ABLIM2: variants seen among roughly 807,000 people sequenced by gnomAD.
ABLIM2 encodes actin-binding LIM protein 2.
Under a neutral mutation model 97.7 loss-of-function variants are expected in ABLIM2, and 53 were observed. The ratio of observed to expected loss-of-function variants is 0.54; its 90% confidence interval spans 0.44 to 0.68. The LOEUF (loss-of-function observed/expected upper bound fraction) is 0.68, where lower values mean the gene tolerates loss of function less well. Among genes scored for constraint, ABLIM2 ranks in the 30% least tolerant of loss-of-function variants. The pLI is 0.00. For missense variants in ABLIM2, 835 were observed against 867.2 expected (o/e 0.96, Z 0.47); for synonymous variants, 361 against 345.8 (o/e 1.04, Z -0.49).
chr4:8,062,359 C>G (rs964883842), intron 6 of ABLIM2, among the ~76,000 whole-genome samples: 1 of 152,202 alleles, frequency 6.6e-6, no homozygotes, highest in Admixed American at 6.5e-5. Context: ...CACACCACAG[C>G]ATCTGGCCCC....
chr4:7,979,923 C>G (rs1402696924), intron 20 of ABLIM2, among the ~76,000 whole-genome samples: 2 of 152,146 alleles, frequency 1.3e-5, no homozygotes, highest in Non-Finnish European at 2.9e-5. Context: ...TGGGTCTCTT[C>G]CCCGCAGATT....
At chr4:7,973,196 C>A (rs1729683137) in intron 20 of ABLIM2, among the ~76,000 whole-genome samples, 1 of 151,666 alleles carries the variant, frequency 6.6e-6, no homozygotes, top group South Asian at 2.1e-4. Flanking sequence ...GGAGCCTTGG[C>A]TGCTGGAGGA....
intron 6 of ABLIM2, among the ~76,000 whole-genome samples, chr4:8,077,329 G>A (rs910747649): frequency 1.3e-5 from 2 of 152,152 alleles, no homozygotes; most frequent in African/African-American, 4.8e-5. Context: ...GTGCCTCTGA[G>A]TCCCAATCTA....
rs1030253483 is a variant in ABLIM2, at chr4:8,150,898, C to T, written c.10+7782G>A. Among the ~76,000 whole-genome samples, 6 of 152,078 alleles carry T rather than the reference C, an allele frequency of 3.9e-5. No homozygotes were observed. The East Asian group carries it at 5.8e-4, about 15-fold the overall frequency. On this transcript the variant is annotated intron_variant, in intron 1 of 20. Transcript: ENST00000447017. This position sits in a 1 kb window ranked among gnomAD's most constrained non-coding sequence, Gnocchi z 6.3. The stretch of plus-strand genomic sequence containing the variant: ...TAGGGTGTGGCTGATGATGCCAAAG[C>T]GGCTCCCACGGGGCACGACGTCAGG...
intron 10 of ABLIM2, among the ~76,000 whole-genome samples, chr4:8,030,328 G>T (rs1436312995): frequency 3.3e-5 from 5 of 152,186 alleles, no homozygotes. Flanking sequence ...CAGGCAGAGT[G>T]GGAGGCAGGT....
chr4:8,014,614 G>C (rs1767526609), intron 14 of ABLIM2, among the ~76,000 whole-genome samples: 1 of 152,232 alleles, frequency 6.6e-6, no homozygotes. Flanking sequence ...AGCTCCACAG[G>C]ATCGGGGGAA....
chr4:8,077,536 T>C, intron 6 of ABLIM2, 92 bp downstream of exon 6: 1 of 1,245,812 alleles, frequency 8.0e-7, no homozygotes, highest in Non-Finnish European at 1.1e-6. Flanking sequence ...GACAGATTCT[T>C]GCACAAACAC....
intron 8 of ABLIM2, among the ~76,000 whole-genome samples, chr4:8,052,837 C>T (rs183177257): frequency 9.6e-4 from 147 of 152,346 alleles, no homozygotes; most frequent in African/African-American, 3.1e-3. Context: ...CCAGACTTGC[C>T]GCTACAGGAC....
Position 8,150,132 on chromosome 4 carries a change from C to T in ABLIM2, c.10+8548G>A, listed in dbSNP as rs1253157921. Among the ~76,000 whole-genome samples, 1 of 152,210 alleles carries T rather than the reference C, an allele frequency of 6.6e-6. No individual in the cohort carries two copies. The highest frequency in any genetic ancestry group is 2.4e-5 in the African/African-American group (1 of 41,462). ...ATGAGGGCATTTGAAACTAGGCTGC[C>T]AGGTTGAAGGTCTGGATGCTCCTTG... On this transcript the variant is annotated intron_variant, in intron 1 of 20. Coordinates refer to ENST00000447017, the MANE Select transcript of ABLIM2 (RefSeq NM_001130083.2). The surrounding 1 kb of genome is among the most constrained non-coding windows in gnomAD (Gnocchi z 6.3).
intron 1 of ABLIM2, among the ~76,000 whole-genome samples, chr4:8,117,604 C>G (rs1843365712): frequency 6.6e-6 from 1 of 151,450 alleles, no homozygotes; most frequent in Non-Finnish European, 1.5e-5. Flanking sequence ...CCACTGCAGC[C>G]TTCCTTCCTC....
At chr4:8,037,214 ATC>A (rs1253398924) in intron 9 of ABLIM2, among the ~76,000 whole-genome samples, 1 of 152,092 alleles carries the variant, frequency 6.6e-6, no homozygotes, top group Non-Finnish European at 1.5e-5. Context: ...GGTTGGTTGA[ATC>A]TGCAGATGTG....
intron 14 of ABLIM2, among the ~76,000 whole-genome samples, chr4:8,014,127 C>T (rs1320887614): frequency 6.6e-6 from 1 of 152,244 alleles, no homozygotes; most frequent in Non-Finnish European, 1.5e-5. Context: ...CAGAATCATT[C>T]CTGAGACTGC....
At position 8,140,858 on chromosome 4, in the gene ABLIM2, A is replaced by C. The variant is rs112160210; in HGVS notation, c.10+17822T>G. On this transcript the variant is annotated intron_variant, in intron 1 of 20. Transcript: ENST00000447017. The surrounding 1 kb of genome is among the most constrained non-coding windows in gnomAD (Gnocchi z 5.9). ...AGGGAGGTGGCTGCCAAGAAGAGCT[A>C]TGAAGAATTAGAAGCTGGACCAATG... 0.26 allele frequency among the ~76,000 whole-genome samples: 40,159 copies of C among 151,890 alleles called. 7,050 individuals carry two copies. Among genetic ancestry groups the C allele is most frequent in the African/African-American group, 0.5 (20,843 of 41,314 alleles).
intron 2 of ABLIM2, among the ~76,000 whole-genome samples, chr4:8,098,335 G>C (rs1577790057): frequency 6.6e-6 from 1 of 152,240 alleles, no homozygotes; most frequent in Non-Finnish European, 1.5e-5. Context: ...ACATCTAAAA[G>C]TTTTCATCAC....
At chr4:8,131,606 G>C (rs1849369935) in intron 1 of ABLIM2, among the ~76,000 whole-genome samples, 1 of 152,018 alleles carries the variant, frequency 6.6e-6, no homozygotes, top group Non-Finnish European at 1.5e-5. Flanking sequence ...CCCTCTGCTG[G>C]CCTGGGCACA....
Position 8,104,595 on chromosome 4 carries a change from C to A in ABLIM2, c.154+1899G>T, listed in dbSNP as rs547063452. Among the ~76,000 whole-genome samples, 8 of 152,280 alleles carry A rather than the reference C, an allele frequency of 5.3e-5. No homozygotes were observed. In the South Asian group the frequency reaches 1.7e-3, roughly 32 times the overall value. On this transcript the variant is annotated intron_variant, in intron 2 of 20. Transcript: ENST00000447017. ...CTCTGAAGGTCGGGGCTGGGGTCTG[C>A]CTTAGCCCAAGGGATTCAGGGCACT...
intron 1 of ABLIM2, among the ~76,000 whole-genome samples, chr4:8,158,319 C>T (rs1330875553): frequency 6.6e-6 from 1 of 152,238 alleles, no homozygotes; most frequent in African/African-American, 2.4e-5. Context: ...GCTGGGGCCC[C>T]GGCCCTTCGC....
Position 8,082,887 on chromosome 4 carries a change from C to A in ABLIM2, c.455-2085G>T, listed in dbSNP as rs1468311082. Among the ~76,000 whole-genome samples the A allele has an allele frequency of 2.6e-5, 4 of 152,248 alleles. No individual in the cohort carries two copies. The highest frequency in any genetic ancestry group is 5.9e-5 in the Non-Finnish European group (4 of 68,046). On this transcript the variant is annotated intron_variant, in intron 4 of 20. Coordinates refer to ENST00000447017, the MANE Select transcript of ABLIM2 (RefSeq NM_001130083.2). This position sits in a 1 kb window ranked among gnomAD's most constrained non-coding sequence, Gnocchi z 5.6. The stretch of plus-strand genomic sequence containing the variant: ...AGACGACGCACAGCCCTGACTTAGC[C>A]TCCTGGCTTCCCCCACTTAGCAGGT...
intron 2 of ABLIM2, among the ~76,000 whole-genome samples, chr4:8,101,461 G>GTTTATGAGAAA (rs1834564258): frequency 6.6e-6 from 1 of 152,226 alleles, no homozygotes; most frequent in Non-Finnish European, 1.5e-5. Context: ...CGCCTGGAAC[G>GTTTATGAGAAA]CCCAGGAAGC....
Sources: allele counts gnomAD v4.1 joint callset (sites outside exome capture counted in the v4.1 genomes callset), GRCh38; gene constraint gnomAD v4.1.1; non-coding constraint Gnocchi (gnomAD v3.1); transcripts MANE v1.5; gene names NCBI Gene and HGNC (gene_info 2026-07-23, HGNC 2026-07-21).